The following CCDC187 variants were observed in gnomAD, a reference collection of about 807,000 sequenced individuals.
CCDC187 encodes the protein coiled-coil domain containing 187, also known as coiled-coil domain-containing protein 187.
In CCDC187, 32 loss-of-function variants were observed where a neutral mutation model predicts 38.0. The observed-to-expected ratio is 0.84, with a 90% CI of 0.64 to 1.13. The LOEUF is 1.13. Among genes scored for constraint, CCDC187 ranks in the 50% most tolerant of loss-of-function variants. The pLI, the probability that CCDC187 is intolerant of heterozygous loss-of-function variation, is 0.00. For missense variants in CCDC187, 707 were observed against 786.8 expected, an observed-to-expected ratio of 0.90 and a Z score of 1.21; for synonymous variants, 333 against 347.9, an observed-to-expected ratio of 0.96 and a Z score of 0.48.
At chr9:136,304,153 C>A (rs1170681658), upstream of CCDC187, 1 of 152,294 alleles carries the variant, frequency 6.6e-6, no homozygotes, top group East Asian at 1.9e-4. Context: ...AGCATAATAA[C>A]CTTGTCACTC....
At chr9:136,299,368 G>A (rs1831617404) in intron 3 of CCDC187, among the ~76,000 whole-genome samples, 2 of 152,128 alleles carry the variant, frequency 1.3e-5, no homozygotes, top group African/African-American at 2.4e-5. Flanking sequence ...GGACCCACCC[G>A]GCCGGCACTG....
chr9:136,298,994 G>A (rs937066657), intron 3 of CCDC187, among the ~76,000 whole-genome samples: 2 of 152,162 alleles, frequency 1.3e-5, no homozygotes, highest in Non-Finnish European at 2.9e-5. Flanking sequence ...GCCAGGAGCC[G>A]GTGACTGATA....
chr9:136,290,171 G>A, intron 6 of CCDC187, 118 bp from the exon 7 acceptor site: 1 of 397,898 alleles, frequency 2.5e-6, no homozygotes, highest in East Asian at 3.6e-5. Flanking sequence ...CTTCCCCAGA[G>A]TCTTGCAGGA....
intron 14 of CCDC187, among the ~76,000 whole-genome samples, chr9:136,270,127 T>C (rs1487404750): frequency 6.6e-6 from 1 of 152,228 alleles, no homozygotes; most frequent in Non-Finnish European, 1.5e-5. Flanking sequence ...TGCGTAATTG[T>C]GTAAGCTCCA....
intron 14 of CCDC187, among the ~76,000 whole-genome samples, chr9:136,273,932 C>T (rs113113168): frequency 0.011 from 1,734 of 152,346 alleles, 18 homozygotes; most frequent in South Asian, 0.03. Flanking sequence ...GTGGTCTTGC[C>T]GCTCCATCCC....
At chr9:136,279,569 T>C (rs1249876070) in intron 10 of CCDC187, among the ~76,000 whole-genome samples, 2 of 152,254 alleles carry the variant, frequency 1.3e-5, no homozygotes, top group East Asian at 1.9e-4. Flanking sequence ...CCTGCAGCCA[T>C]TGGAACTGTC....
At chr9:136,263,842 A>C (rs1554761285) in intron 17 of CCDC187, 44 bp from the exon 18 acceptor site, 1 of 983,802 alleles carries the variant, frequency 1.0e-6, no homozygotes, top group Non-Finnish European at 1.2e-6. Flanking sequence ...CCCCGGAGCC[A>C]GCAGGGGAAA....
intron 4 of CCDC187, 78 bp from the exon 5 acceptor site, chr9:136,292,373 C>G: frequency 2.5e-6 from 1 of 398,220 alleles, no homozygotes; most frequent in African/African-American, 2.1e-5. Context: ...AGGTTGGTGG[C>G]TCTGCAAGCG....
At chr9:136,297,972 AG>A (rs1169294839) in intron 3 of CCDC187, among the ~76,000 whole-genome samples, 151 bp from the exon 4 acceptor site, 1 of 152,230 alleles carries the variant, frequency 6.6e-6, no homozygotes, top group Non-Finnish European at 1.5e-5. Flanking sequence ...GGCGAGAGCC[AG>A]GGTGGGCAGC....
chr9:136,293,784 ATCC>A (rs1831446878), intron 4 of CCDC187, among the ~76,000 whole-genome samples: 1 of 151,940 alleles, frequency 6.6e-6, no homozygotes, highest in South Asian at 2.1e-4. Context: ...ACACGGTCTC[ATCC>A]TCACACACTT....
rs556469346 is a variant in CCDC187 at position 136,257,308 on chromosome 9, G to A, written c.4367-467C>T. 1.3e-5 allele frequency among the ~76,000 whole-genome samples: 2 copies of A among 152,266 alleles called. No homozygotes were observed. The highest frequency in any genetic ancestry group is 2.4e-5 in the African/African-American group (1 of 41,544). Reference sequence around the variant, plus strand: ...GAATTGCTTGAACCCGGGAGGCGGAGGTTGCAGTGAGCCAAGATCACGCTA... The same window carrying A: ...GAATTGCTTGAACCCGGGAGGCGGAAGTTGCAGTGAGCCAAGATCACGCTA... On this transcript the variant is annotated intron_variant, in intron 22 of 25. Coordinates refer to ENST00000638797, the MANE Select transcript of CCDC187 (RefSeq NM_001378188.1). This position sits in a 1 kb window ranked among gnomAD's most constrained non-coding sequence, Gnocchi z 4.5.
intron 2 of CCDC187, among the ~76,000 whole-genome samples, chr9:136,300,773 T>C (rs1185200247): frequency 6.6e-6 from 1 of 152,216 alleles, no homozygotes; most frequent in Non-Finnish European, 1.5e-5. Context: ...AATTTTTTTG[T>C]ATTTTTAGTA....
At position 136,286,753 on chromosome 9, in the gene CCDC187, G is replaced by A. The variant is rs1007466334; in HGVS notation, c.2223-58C>T. The A allele has an allele frequency of 7.3e-5, 29 of 398,414 alleles. No individual in the cohort carries two copies. In the South Asian group the frequency reaches 1.2e-3, roughly 16 times the overall value. The allele number at this position is 398,414 out of a possible 1,614,324, so 24.7% of individuals were successfully genotyped here. On this transcript the variant is annotated intron_variant, in intron 7 of 25. Coordinates refer to ENST00000638797, the MANE Select transcript of CCDC187 (RefSeq NM_001378188.1). ...AGGCTCGGTCGCCCCAGCAGGGCAC[G>A]GAAAGCACGCGTGTTTTGCAGGTGT... is the stretch of plus-strand genomic sequence containing the variant.
rs899610868 is a variant in CCDC187 at position 136,262,314 on chromosome 9, G to A, written c.4061C>T (p.Thr1354Met). 3.0e-6 allele frequency: 3 copies of A among 986,372 alleles called. No homozygotes were observed. Among genetic ancestry groups the A allele is most frequent in the Non-Finnish European group, 3.6e-6 (3 of 830,688 alleles). 61.1% of individuals were successfully genotyped at this position (986,372 alleles called of 1,614,324 possible). ...PQSSPASSKATRPPTEQQDVT... is the reference protein window; with the variant it reads ...PQSSPASSKAMRPPTEQQDVT... ...CCCCTAAGACCAACCAACTCACCGC[G>A]TGGCCTTTGAGCTTGCGGGGCTGCT... The change falls in exon 19 of 26, where the codon ACG becomes ATG. Residue 1354 changes from threonine (T) to methionine (M), a missense_variant. Transcript: ENST00000638797.
At chr9:136,255,307 A>T (rs1830598357) in intron 25 of CCDC187, among the ~76,000 whole-genome samples, 173 bp from the exon 26 acceptor site, 1 of 151,936 alleles carries the variant, frequency 6.6e-6, no homozygotes, top group Non-Finnish European at 1.5e-5. Context: ...GGGGTTCACC[A>T]CGCCCACCCC....
At chr9:136,300,031 C>CA (rs1831637052) in intron 3 of CCDC187, among the ~76,000 whole-genome samples, 189 bp downstream of exon 3, 1 of 152,266 alleles carries the variant, frequency 6.6e-6, no homozygotes, top group Admixed American at 6.5e-5. Context: ...ACTGGAGAGG[C>CA]AGAGGGTTAG....
rs1022137616 is a variant in CCDC187 at position 136,291,609 on chromosome 9, G to A, written c.1004C>T (p.Pro335Leu). The change falls in exon 6 of 26, where the codon CCG becomes CTG. Residue 335 changes from proline (P) to leucine (L), a missense_variant. Coordinates refer to ENST00000638797, the MANE Select transcript of CCDC187 (RefSeq NM_001378188.1). Reference protein sequence around the residue: ...SEKVIAAKCSPVCAQLPDATS... With the variant: ...SEKVIAAKCSLVCAQLPDATS... Reference sequence around the variant, plus strand: ...GGCATCGGGCAACTGGGCACAAACCGGTGAGCACTTGGCAGCTATGACTTT... The same window carrying A: ...GGCATCGGGCAACTGGGCACAAACCAGTGAGCACTTGGCAGCTATGACTTT... 14 of 398,664 alleles carry A rather than the reference G, an allele frequency of 3.5e-5. No individual in the cohort carries two copies. The highest frequency in any genetic ancestry group is 1.0e-4 in the African/African-American group (5 of 48,648). The allele number at this position is 398,664 out of a possible 1,614,324, so 24.7% of individuals were successfully genotyped here.
chr9:136,271,437 C>A (rs1386144648), intron 14 of CCDC187, among the ~76,000 whole-genome samples: 1 of 151,928 alleles, frequency 6.6e-6, no homozygotes, highest in Non-Finnish European at 1.5e-5. Context: ...AGGAGAATCG[C>A]TTGAACCTGA....
intron 14 of CCDC187, among the ~76,000 whole-genome samples, chr9:136,268,852 G>C (rs1229851595): frequency 2.0e-5 from 3 of 152,206 alleles, no homozygotes; most frequent in Admixed American, 1.3e-4. Context: ...GAGGAGACTT[G>C]CGATGCTCAC....
Sources: allele counts gnomAD v4.1 joint callset (sites outside exome capture counted in the v4.1 genomes callset), GRCh38; gene constraint gnomAD v4.1.1; non-coding constraint Gnocchi (gnomAD v3.1); transcripts MANE v1.5; gene names NCBI Gene and HGNC (gene_info 2026-07-23, HGNC 2026-07-21).